The following MEF2C variants were observed in gnomAD, a reference collection of about 807,000 sequenced individuals.
MEF2C encodes the protein myocyte enhancer factor 2C, also known as myocyte-specific enhancer factor 2C.
Under a neutral mutation model 50.5 loss-of-function variants are expected in MEF2C, and 6 were observed. That is an observed-to-expected ratio of 0.12 (90% CI 0.07 to 0.23). MEF2C has a LOEUF of 0.23. Ranked by LOEUF, MEF2C falls within the 10% of genes least tolerant of loss-of-function variation. MEF2C has a pLI of 1.00. For missense variants in MEF2C, 276 were observed against 605.0 expected, an observed-to-expected ratio of 0.46 and a Z score of 5.70; for synonymous variants, 183 against 228.0, an observed-to-expected ratio of 0.80 and a Z score of 1.78.
intron 10 of MEF2C, among the ~76,000 whole-genome samples, chr5:88,724,520 T>A (rs991467408): frequency 2.0e-5 from 3 of 152,150 alleles, no homozygotes; most frequent in Admixed American, 6.5e-5. Flanking sequence ...CTAGCTTTTA[T>A]GATCTTATAT....
intron 3 of MEF2C, chr5:88,766,957 T>C (rs182111696): frequency 3.7e-6 from 1 of 270,522 alleles, no homozygotes; most frequent in Non-Finnish European, 5.7e-6. Flanking sequence ...GAATAATCTT[T>C]AGAAAGTAGT....
At chr5:88,754,318 C>T (rs1166918578) in intron 4 of MEF2C, among the ~76,000 whole-genome samples, 1 of 152,238 alleles carries the variant, frequency 6.6e-6, no homozygotes, top group East Asian at 1.9e-4. Context: ...TGATCTGGTA[C>T]TTTTCCCCTC....
rs371404067 is a variant in MEF2C, at chr5:88,869,925, A to C, written c.-143+13030T>G. 1.6e-4 allele frequency among the ~76,000 whole-genome samples: 24 copies of C among 151,498 alleles called. No homozygotes were observed. In the East Asian group the frequency reaches 2.1e-3, roughly 13 times the overall value. On this transcript the variant is annotated intron_variant, in intron 1 of 10. Coordinates refer to ENST00000504921, the MANE Select transcript of MEF2C (RefSeq NM_002397.5). ...AGTTTAACTACTTTGGGTTTAACTT[A>C]GTGGTGTCAAACACTTAGGGAAATC...
chr5:88,901,229 G>C (rs1358325104), intron 1 of MEF2C, among the ~76,000 whole-genome samples: 2 of 150,708 alleles, frequency 1.3e-5, no homozygotes, highest in Non-Finnish European at 3.0e-5. Context: ...CTGGCACCAG[G>C]TATTATCAAC....
Position 88,717,507 on chromosome 5 carries a change from T to G in MEF2C, c.*5097A>C, listed in dbSNP as rs1458205303. 3 of 152,224 alleles carry G rather than the reference T, an allele frequency of 2.0e-5. No individual in the cohort carries two copies. Among genetic ancestry groups the G allele is most frequent in the African/African-American group, 7.2e-5 (3 of 41,458 alleles). 9.4% of individuals were successfully genotyped at this position (152,224 alleles called of 1,614,324 possible). A position where few individuals can be genotyped will look rare whatever the true frequency, so the allele number is the denominator to read the frequency against. ...TGAGTTACATATAATAATTGCTTAA[T>G]ACATGTTTGCTGAAAATGAATACAA... On this transcript the variant is annotated 3_prime_UTR_variant, in exon 11 of 11. Transcript: ENST00000504921.
rs373126572 is a variant in MEF2C, at chr5:88,805,871, A to G, written c.55-1070T>C. ...TTTTTGGAGACGGAGTCTCTTATAAACCTTTATATGGTCCAGTGTTTCCCA... is the reference window on the plus strand; with the variant it reads ...TTTTTGGAGACGGAGTCTCTTATAAGCCTTTATATGGTCCAGTGTTTCCCA... On this transcript the variant is annotated intron_variant, in intron 2 of 10. Transcript: ENST00000504921. 2.9e-3 allele frequency among the ~76,000 whole-genome samples: 357 copies of G among 125,016 alleles called. 1 individual carries two copies. The highest frequency in any genetic ancestry group is 0.01 in the African/African-American group (335 of 32,204). The allele number at this position is 125,016 out of a possible 152,430, so 82.0% of individuals were successfully genotyped here. A position where few individuals can be genotyped will look rare whatever the true frequency, so the allele number is the denominator to read the frequency against.
chr5:88,836,110 A>T lies in MEF2C; in HGVS notation c.-142-12180T>A, dbSNP rs576089119. Among the ~76,000 whole-genome samples the T allele has an allele frequency of 5.3e-5, 8 of 152,352 alleles. No individual in the cohort carries two copies. In the South Asian group the frequency reaches 1.7e-3, roughly 32 times the overall value. On this transcript the variant is annotated intron_variant, in intron 1 of 10. Coordinates refer to ENST00000504921, the MANE Select transcript of MEF2C (RefSeq NM_002397.5). ...TATCAGTTTTAAAATAGGGTAAGTT[A>T]TATAATTTACCATGAAGCCTAAATG...
At chr5:88,851,979 T>G (rs1178764257) in intron 1 of MEF2C, among the ~76,000 whole-genome samples, 1 of 152,180 alleles carries the variant, frequency 6.6e-6, no homozygotes, top group Non-Finnish European at 1.5e-5. Flanking sequence ...TATCAAACTA[T>G]TTGTATTTTT....
At chr5:88,819,876 G>A (rs1163664779) in intron 2 of MEF2C, among the ~76,000 whole-genome samples, 1 of 151,860 alleles carries the variant, frequency 6.6e-6, no homozygotes, top group African/African-American at 2.4e-5. Flanking sequence ...TGGCTCACAA[G>A]GCTAAAAATA....
At chr5:88,807,599 C>A (rs973737002) in intron 2 of MEF2C, among the ~76,000 whole-genome samples, 1 of 152,152 alleles carries the variant, frequency 6.6e-6, no homozygotes, top group Non-Finnish European at 1.5e-5. Context: ...TATACCTACT[C>A]TTAAGGCTGT....
At chr5:88,730,124 A>G (rs1297370072) in intron 8 of MEF2C, 87 bp downstream of exon 8, 19 of 1,398,162 alleles carry the variant, frequency 1.4e-5, no homozygotes, top group Middle Eastern at 3.5e-4. Flanking sequence ...GGTAACTTCC[A>G]ATATCTTCCA....
chr5:88,768,756 T>G, intron 3 of MEF2C: 1 of 899,234 alleles, frequency 1.1e-6, no homozygotes, highest in South Asian at 5.1e-5. Context: ...CTCTTTTTTT[T>G]CCATTTATTA....
rs545275992 is a variant in MEF2C, at chr5:88,799,730, A to G, written c.258+4868T>C. ...GCAGCAACTGTTCTTAGATGTCTCT[A>G]AATCAAAACAGAAGTCAGGATTCAG... On this transcript the variant is annotated intron_variant, in intron 3 of 10. Coordinates refer to ENST00000504921, the MANE Select transcript of MEF2C (RefSeq NM_002397.5). Among the ~76,000 whole-genome samples, 3 of 152,320 alleles carry G rather than the reference A, an allele frequency of 2.0e-5. No individual in the cohort carries two copies. In the South Asian group the frequency reaches 6.2e-4, roughly 32 times the overall value.
At position 88,718,019 on chromosome 5, in the gene MEF2C, TCCA is replaced by T. The variant is rs1254298248; in HGVS notation, c.*4582_*4584del. The T allele has an allele frequency of 6.6e-6, 1 of 152,152 alleles. No individual in the cohort carries two copies. Among genetic ancestry groups the T allele is most frequent in the Non-Finnish European group, 1.5e-5 (1 of 68,012 alleles). The allele number at this position is 152,152 out of a possible 1,614,324, so 9.4% of individuals were successfully genotyped here. On this transcript the variant is annotated 3_prime_UTR_variant, in exon 11 of 11. Transcript: ENST00000504921. ...AACCATTCAATAAGAACCTTAGACT[TCCA>T]CCACTGGCTGAATTCTGTAATACCC... is the stretch of plus-strand genomic sequence containing the variant.
At chr5:88,754,886 C>T (rs1238873758) in intron 4 of MEF2C, among the ~76,000 whole-genome samples, 1 of 152,160 alleles carries the variant, frequency 6.6e-6, no homozygotes, top group East Asian at 1.9e-4. Flanking sequence ...TGCCAACCTC[C>T]GTTATCTCAT....
At chr5:88,763,382 C>G (rs1381732396) in intron 3 of MEF2C, among the ~76,000 whole-genome samples, 1 of 152,126 alleles carries the variant, frequency 6.6e-6, no homozygotes, top group Non-Finnish European at 1.5e-5. Context: ...ATTTTATTTA[C>G]TAACTTAACT....
At chr5:88,757,341 C>A (rs1022677595) in intron 4 of MEF2C, among the ~76,000 whole-genome samples, 1 of 151,882 alleles carries the variant, frequency 6.6e-6, no homozygotes, top group African/African-American at 2.4e-5. Context: ...CTGAATCTTC[C>A]CCCCACCCTT....
intron 4 of MEF2C, among the ~76,000 whole-genome samples, chr5:88,753,164 C>A (rs184646679): frequency 2.6e-5 from 4 of 152,148 alleles, no homozygotes; most frequent in Non-Finnish European, 4.4e-5. Context: ...GTTTGGTTGG[C>A]TGGCCTGCAT....
At chr5:88,758,018 T>G (rs1776165902) in intron 4 of MEF2C, among the ~76,000 whole-genome samples, 1 of 152,232 alleles carries the variant, frequency 6.6e-6, no homozygotes, top group African/African-American at 2.4e-5. Context: ...TGGCTCCATC[T>G]GTAACACCTT....
Sources: gnomAD v4.1 joint callset for allele counts (sites outside exome capture counted in the v4.1 genomes callset) on GRCh38, gnomAD v4.1.1 for gene constraint, MANE v1.5 for transcripts, NCBI Gene and HGNC (gene_info 2026-07-23, HGNC 2026-07-21) for gene names.